The following PPP2R2D variants were observed in gnomAD, a reference collection of about 807,000 sequenced individuals.
PPP2R2D encodes serine/threonine-protein phosphatase 2A 55 kDa regulatory subunit B delta isoform.
Under a neutral mutation model 31.1 loss-of-function variants are expected in PPP2R2D, and 9 were observed. The ratio of observed to expected loss-of-function variants is 0.29; its 90% confidence interval spans 0.17 to 0.51. The LOEUF (loss-of-function observed/expected upper bound fraction) is 0.51. Ranked by LOEUF, PPP2R2D falls within the 20% of genes least tolerant of loss-of-function variation. PPP2R2D has a pLI of 0.98. For missense variants in PPP2R2D, 391 were observed against 465.6 expected (o/e 0.84, Z 1.48); for synonymous variants, 179 against 172.6 (o/e 1.04, Z -0.29).
In PPP2R2D at chr10:131,917,343, TGA is replaced by T. The variant is rs1220848157; in HGVS notation, c.100+16014_100+16015del. Among the ~76,000 whole-genome samples the T allele has an allele frequency of 1.8e-4, 21 of 115,574 alleles. 3 individuals carry two copies. Among genetic ancestry groups the T allele is most frequent in the African/African-American group, 7.3e-4 (21 of 28,890 alleles). 75.8% of individuals were successfully genotyped at this position (115,574 alleles called of 152,430 possible). On this transcript the variant is annotated intron_variant, in intron 2 of 8. Coordinates refer to ENST00000455566, the MANE Select transcript of PPP2R2D (RefSeq NM_018461.5). ...GTGTAGGGACCTCAGGCGGGTGGGA[TGA>T]CACAGTGTAGGGACCTCACGCAGGT...
At chr10:131,963,516 G>GC (rs2036947016), downstream of PPP2R2D, among the ~76,000 whole-genome samples, 1 of 152,220 alleles carries the variant, frequency 6.6e-6, no homozygotes, top group African/African-American at 2.4e-5. Flanking sequence ...TCCTGTGCAT[G>GC]CCGTGGGGCG....
At chr10:131,965,784 A>C in the PPP2R2D span, among the ~76,000 whole-genome samples, 1 of 152,166 alleles carries the variant, frequency 6.6e-6, no homozygotes, top group African/African-American at 2.4e-5. Context: ...TCCTGTTTCA[A>C]GGAGCTGCTT....
At chr10:131,904,975 C>T (rs1488749121) in intron 2 of PPP2R2D, among the ~76,000 whole-genome samples, 2 of 124,634 alleles carry the variant, frequency 1.6e-5, no homozygotes, top group African/African-American at 6.8e-5. Flanking sequence ...ATTTGATGCG[C>T]ACCCCACCCC....
At chr10:131,922,258 C>T (rs868953372) in intron 2 of PPP2R2D, among the ~76,000 whole-genome samples, 5 of 152,058 alleles carry the variant, frequency 3.3e-5, no homozygotes, top group African/African-American at 7.2e-5. Flanking sequence ...CTAAAGTGGC[C>T]GTATTTACAG....
chr10:131,929,915 T>C (rs2036186809), intron 2 of PPP2R2D, among the ~76,000 whole-genome samples: 1 of 152,208 alleles, frequency 6.6e-6, no homozygotes, highest in Non-Finnish European at 1.5e-5. Context: ...GCCCCGGTTG[T>C]AACTCCTGTG....
chr10:131,931,400 T>G (rs1449439218), intron 2 of PPP2R2D, among the ~76,000 whole-genome samples: 1 of 152,206 alleles, frequency 6.6e-6, no homozygotes, highest in Non-Finnish European at 1.5e-5. Context: ...CAGGCTGGAG[T>G]GCAGTGGCGT....
chr10:131,970,307 G>A, the PPP2R2D span: 1 of 354,888 alleles, frequency 2.8e-6, no homozygotes, highest in Non-Finnish European at 5.2e-6. The surrounding 1 kb of genome is among the most constrained non-coding windows in gnomAD (Gnocchi z 4.1). Flanking sequence ...TCCCGCCACA[G>A]TACTACACAG....
At chr10:131,950,171 C>A (rs150691749) in intron 8 of PPP2R2D, among the ~76,000 whole-genome samples, 7 of 152,192 alleles carry the variant, frequency 4.6e-5, no homozygotes, top group African/African-American at 1.4e-4. Context: ...AGAAGAAATG[C>A]GGGCTAAAGA....
intron 2 of PPP2R2D, among the ~76,000 whole-genome samples, chr10:131,920,320 C>T (rs1412588490): frequency 5.0e-5 from 7 of 139,624 alleles, no homozygotes; most frequent in Admixed American, 4.4e-4. Flanking sequence ...AGGGACCTCA[C>T]GCGGGTGGAG....
rs1347250340 is a variant in PPP2R2D at position 131,940,436 on chromosome 10, CT to C, written c.365-145del. 1.7e-5 allele frequency: 10 copies of C among 602,962 alleles called. No homozygotes were observed. The African/African-American group carries it at 1.9e-4, about 11-fold the overall frequency. The allele number at this position is 602,962 out of a possible 1,614,324, so 37.4% of individuals were successfully genotyped here. A position where few individuals can be genotyped will look rare whatever the true frequency, so the allele number is the denominator to read the frequency against. The stretch of plus-strand genomic sequence containing the variant: ...CATCTTTCTTTATTGTACAAAACAC[CT>C]CCAATTGGAAATATTCATGTTCAGA... On this transcript the variant is annotated intron_variant, in intron 4 of 8. Coordinates refer to ENST00000455566, the MANE Select transcript of PPP2R2D (RefSeq NM_018461.5).
chr10:131,945,246 A>C lies in PPP2R2D; in HGVS notation c.656-49A>C. The C allele has an allele frequency of 6.3e-7, 1 of 1,576,272 alleles. No individual in the cohort carries two copies. Among genetic ancestry groups the C allele is most frequent in the Non-Finnish European group, 8.6e-7 (1 of 1,157,162 alleles). ...ATTTCGCGTGACTGAATGTAGACTA[A>C]TTAACAACCAGCTGAGCTGAGCACT... On this transcript the variant is annotated intron_variant, in intron 6 of 8. Transcript: ENST00000455566. This position sits in a 1 kb window ranked among gnomAD's most constrained non-coding sequence, Gnocchi z 4.8.
intron 2 of PPP2R2D, among the ~76,000 whole-genome samples, chr10:131,908,844 A>C (rs2035639888): frequency 6.6e-6 from 1 of 152,236 alleles, no homozygotes; most frequent in Non-Finnish European, 1.5e-5. Context: ...TTTAAGAAAA[A>C]TGAAGGGTAA....
chr10:131,922,737 C>G (rs1339684686), intron 2 of PPP2R2D, among the ~76,000 whole-genome samples: 4 of 152,016 alleles, frequency 2.6e-5, no homozygotes, highest in African/African-American at 9.7e-5. Context: ...TGAGCTACTG[C>G]GCCCGGCCAT....
At chr10:131,955,615 G>A (rs1340745143) in intron 8 of PPP2R2D, 69 bp from the exon 9 acceptor site, 2 of 1,316,032 alleles carry the variant, frequency 1.5e-6, no homozygotes, top group African/African-American at 3.0e-5. Flanking sequence ...CACCCCAGGG[G>A]TGGGGTCTGA....
intron 8 of PPP2R2D, among the ~76,000 whole-genome samples, chr10:131,953,187 T>C: frequency 1.6e-5 from 1 of 61,608 alleles, no homozygotes; most frequent in Admixed American, 2.2e-4. Flanking sequence ...GCGGGGGGTT[T>C]CACTGTCTTA....
intron 2 of PPP2R2D, among the ~76,000 whole-genome samples, chr10:131,917,587 T>A (rs1554893399): frequency 1.3e-4 from 13 of 100,340 alleles, no homozygotes; most frequent in East Asian, 1.2e-3. Flanking sequence ...GGAATGACAG[T>A]GTTTGTAGGG....
intron 8 of PPP2R2D, among the ~76,000 whole-genome samples, chr10:131,954,551 G>A (rs1018458662): frequency 3.9e-5 from 6 of 152,162 alleles, no homozygotes; most frequent in Admixed American, 6.5e-5. Flanking sequence ...CCTCTGTGGC[G>A]CTGTGGGCTC....
chr10:131,929,696 C>G (rs1554895417), intron 2 of PPP2R2D, among the ~76,000 whole-genome samples: 1 of 152,084 alleles, frequency 6.6e-6, no homozygotes, highest in Non-Finnish European at 1.5e-5. Flanking sequence ...GGCTGTGCTC[C>G]GTGCCTCCCT....
chr10:131,925,179 G>C (rs1358375615), intron 2 of PPP2R2D, among the ~76,000 whole-genome samples: 8 of 152,162 alleles, frequency 5.3e-5, no homozygotes, highest in African/African-American at 1.9e-4. Context: ...AGAATTTCCA[G>C]TAGAATGTTT....
Sources: allele counts gnomAD v4.1 joint callset (sites outside exome capture counted in the v4.1 genomes callset), GRCh38; gene constraint gnomAD v4.1.1; non-coding constraint Gnocchi (gnomAD v3.1); transcripts MANE v1.5; gene names NCBI Gene and HGNC (gene_info 2026-07-23, HGNC 2026-07-21).